Variants in IL2RB observed in about 807,000 individuals in gnomAD.
The protein encoded by IL2RB is interleukin 2 receptor subunit beta, also known as interleukin-2 receptor subunit beta.
In IL2RB, 17 loss-of-function variants were observed where a neutral mutation model predicts 44.2. The observed-to-expected ratio is 0.38, with a 90% CI of 0.26 to 0.58. The LOEUF (loss-of-function observed/expected upper bound fraction) is 0.58. IL2RB is among the 20% of genes least tolerant of loss of function. The probability of loss-of-function intolerance (pLI) is 0.63; values close to 1 mark genes in which losing one functional copy is unlikely to be tolerated. For missense variants in IL2RB, 624 were observed against 685.5 expected (o/e 0.91, Z 1.00); for synonymous variants, 286 against 297.9 (o/e 0.96, Z 0.41).
chr22:37,152,887 T>C (rs1317878430), upstream of IL2RB, among the ~76,000 whole-genome samples: 1 of 151,232 alleles, frequency 6.6e-6, no homozygotes, highest in African/African-American at 2.4e-5. Flanking sequence ...TTCCCTTTCC[T>C]GATTCCCTGT....
chr22:37,147,688 C>A (rs996361249), intron 1 of IL2RB, among the ~76,000 whole-genome samples: 1 of 152,232 alleles, frequency 6.6e-6, no homozygotes, highest in Non-Finnish European at 1.5e-5. Flanking sequence ...GGCTGCCACC[C>A]TCTCTGTCCT....
chr22:37,168,717 G>A (rs1016449367), intron 1 of IL2RB, among the ~76,000 whole-genome samples: 4 of 152,214 alleles, frequency 2.6e-5, no homozygotes, highest in African/African-American at 9.7e-5. Context: ...GGAATGGGTC[G>A]AGAGAAAGGG....
At chr22:37,161,096 C>T (rs1222791653) in intron 1 of IL2RB, among the ~76,000 whole-genome samples, 2 of 152,302 alleles carry the variant, frequency 1.3e-5, no homozygotes, top group African/African-American at 4.8e-5. Context: ...GAGCCAAGAT[C>T]GTGCCACTGC....
At chr22:37,151,644 T>A (rs1338056114), upstream of IL2RB, among the ~76,000 whole-genome samples, 1 of 152,236 alleles carries the variant, frequency 6.6e-6, no homozygotes, top group Non-Finnish European at 1.5e-5. Context: ...CCTAGTCCCA[T>A]GTCCTAAAGA....
intron 1 of IL2RB, 111 bp downstream of exon 1, chr22:37,149,714 G>T: frequency 2.5e-6 from 1 of 405,862 alleles, no homozygotes; most frequent in Non-Finnish European, 3.3e-6. Context: ...TGGGAGTTCA[G>T]GCAGAAACTG....
chr22:37,137,541 C>T, intron 6 of IL2RB, 46 bp downstream of exon 6: 1 of 1,603,440 alleles, frequency 6.2e-7, no homozygotes, highest in Non-Finnish European at 8.5e-7. Flanking sequence ...TGGACCAGGA[C>T]AGGAAGGAGG....
chr22:37,143,922 C>T (rs1384961343), intron 2 of IL2RB, among the ~76,000 whole-genome samples, 163 bp downstream of exon 2: 12 of 140,912 alleles, frequency 8.5e-5, no homozygotes, highest in South Asian at 2.2e-4. Context: ...TGTGTGTGCG[C>T]GCATTCATGC....
chr22:37,137,873 C>A, intron 5 of IL2RB, 138 bp from the exon 6 acceptor site: 2 of 698,500 alleles, frequency 2.9e-6, no homozygotes, highest in Non-Finnish European at 4.9e-6. Flanking sequence ...CGCTCCCTCA[C>A]TGCCTCCAGG....
chr22:37,153,549 C>T (rs1922571210), upstream of IL2RB, among the ~76,000 whole-genome samples: 1 of 152,360 alleles, frequency 6.6e-6, no homozygotes, highest in East Asian at 1.9e-4. Context: ...GTTCCTTCCA[C>T]ACTGCCCTTC....
chr22:37,165,696 A>T (rs73887561), intron 1 of IL2RB, among the ~76,000 whole-genome samples: 3,162 of 149,366 alleles, frequency 0.021, 123 homozygotes, highest in African/African-American at 0.075. Context: ...AATTTAATTT[A>T]ATTTAATTTA....
Position 37,174,143 on chromosome 22 carries a change from A to G in IL2RB, c.-34+815T>C, listed in dbSNP as rs183878668. Among the ~76,000 whole-genome samples the G allele has an allele frequency of 6.4e-3, 972 of 152,336 alleles. 9 individuals carry two copies. The highest frequency in any genetic ancestry group is 8.7e-3 in the Non-Finnish European group (595 of 68,026). ...ATGGTTATGTGACCAGCTGTGGCCA[A>G]TGAGAAGCGAGAAGAGGCTTTTGGA... On this transcript the variant is annotated intron_variant, in intron 1 of 5. Coordinates refer to the IL2RB transcript ENST00000429622.
rs1387186608 is a variant in IL2RB, at chr22:37,128,893, A to G, written c.904-45T>C. The stretch of plus-strand genomic sequence containing the variant: ...GGGTGGGTGAGTGGGGGCTTCCTTC[A>G]CCCTCCACCCCTTCCTCTGGACTCT... On this transcript the variant is annotated intron_variant, in intron 9 of 9. Transcript: ENST00000216223. This position sits in a 1 kb window ranked among gnomAD's most constrained non-coding sequence, Gnocchi z 4.5. The G allele has an allele frequency of 6.5e-7, 1 of 1,549,342 alleles. No individual in the cohort carries two copies. The highest frequency in any genetic ancestry group is 2.3e-5 in the East Asian group (1 of 44,056).
At chr22:37,136,030 C>G (rs3218300) in intron 7 of IL2RB, among the ~76,000 whole-genome samples, 198 bp downstream of exon 7, 2,393 of 152,220 alleles carry the variant, frequency 0.016, 57 homozygotes, top group African/African-American at 0.055. Context: ...CCCCAACTCA[C>G]AAGGCCCATG....
chr22:37,160,684 A>AAAAAAAAAAAAAAAAAAAAC (rs1922830847), intron 1 of IL2RB, among the ~76,000 whole-genome samples: 1 of 141,178 alleles, frequency 7.1e-6, no homozygotes, highest in African/African-American at 2.8e-5. Context: ...TATGCCAAAA[A>AAAAAAAAAAAAAAAAAAAAC]AAAAAAAAAA....
chr22:37,127,221 C>T lies in IL2RB; in HGVS notation c.*875G>A, dbSNP rs984672095. The T allele has an allele frequency of 6.6e-6, 1 of 152,218 alleles. No individual in the cohort carries two copies. Among genetic ancestry groups the T allele is most frequent in the East Asian group, 1.9e-4 (1 of 5,170 alleles). 9.4% of individuals were successfully genotyped at this position (152,218 alleles called of 1,614,324 possible). On this transcript the variant is annotated 3_prime_UTR_variant, in exon 10 of 10. Coordinates refer to ENST00000216223, the MANE Select transcript of IL2RB (RefSeq NM_000878.5). ...GGGGGATCTGTGCCCTTACTTGGGC[C>T]CCAGCATTAAAGATACAGCAGCCAA...
chr22:37,164,497 G>A (rs1922999049), intron 1 of IL2RB, among the ~76,000 whole-genome samples: 1 of 148,916 alleles, frequency 6.7e-6, no homozygotes, highest in Admixed American at 6.6e-5. Context: ...GGGGGTGGTG[G>A]GCAGGGGGGA....
intron 1 of IL2RB, among the ~76,000 whole-genome samples, chr22:37,172,631 G>A (rs571701610): frequency 5.3e-5 from 8 of 152,346 alleles, no homozygotes; most frequent in Admixed American, 1.3e-4. Context: ...CACCCAAGCC[G>A]CATTTCTAAT....
At chr22:37,174,609 T>C (rs530236310) in intron 1 of IL2RB, among the ~76,000 whole-genome samples, 2 of 152,244 alleles carry the variant, frequency 1.3e-5, no homozygotes, top group Non-Finnish European at 2.9e-5. Flanking sequence ...ACACCTTAGA[T>C]CACCCCACTT....
At chr22:37,159,534 C>T (rs562082690) in intron 1 of IL2RB, among the ~76,000 whole-genome samples, 3 of 152,170 alleles carry the variant, frequency 2.0e-5, no homozygotes, top group African/African-American at 7.2e-5. Context: ...CCTGGCCCTA[C>T]AACATATATA....
Sources: allele counts gnomAD v4.1 joint callset (sites outside exome capture counted in the v4.1 genomes callset), GRCh38; gene constraint gnomAD v4.1.1; non-coding constraint Gnocchi (gnomAD v3.1); transcripts MANE v1.5; gene names NCBI Gene and HGNC (gene_info 2026-07-23, HGNC 2026-07-21).